Variants in SEMA6D observed in about 807,000 individuals in gnomAD.
SEMA6D encodes semaphorin 6D.
A neutral mutation model predicts 106.6 loss-of-function variants in SEMA6D; 35 were observed. That is an observed-to-expected ratio of 0.33 (90% CI 0.25 to 0.44). The LOEUF (loss-of-function observed/expected upper bound fraction) is 0.44, where lower values mean the gene tolerates loss of function less well. Among genes scored for constraint, SEMA6D ranks in the 20% least tolerant of loss-of-function variants. SEMA6D has a pLI of 1.00. For missense variants in SEMA6D, 1,185 were observed against 1,345.9 expected, an observed-to-expected ratio of 0.88 and a Z score of 1.87; for synonymous variants, 499 against 487.7, an observed-to-expected ratio of 1.02 and a Z score of -0.31.
At chr15:47,185,433 T>A (rs1893498808) in intron 1 of SEMA6D, among the ~76,000 whole-genome samples, 1 of 152,182 alleles carries the variant, frequency 6.6e-6, no homozygotes, top group African/African-American at 2.4e-5. Flanking sequence ...TATTGACAGC[T>A]GGCCGCTTTC....
At chr15:47,472,268 AAAAGTT>A (rs1027146480) in intron 3 of SEMA6D, among the ~76,000 whole-genome samples, 13 of 152,294 alleles carry the variant, frequency 8.5e-5, no homozygotes, top group African/African-American at 2.9e-4. Context: ...AGAAATAAGA[AAAAGTT>A]AAAGATGGAT....
intron 3 of SEMA6D, among the ~76,000 whole-genome samples, chr15:47,518,664 C>T (rs1321423406): frequency 1.3e-5 from 2 of 152,034 alleles, no homozygotes; most frequent in African/African-American, 4.8e-5. Context: ...AATGATATAC[C>T]TATATAGGAC....
At chr15:47,414,488 T>C (rs975919836) in intron 2 of SEMA6D, among the ~76,000 whole-genome samples, 3 of 152,320 alleles carry the variant, frequency 2.0e-5, no homozygotes, top group Admixed American at 1.3e-4. Flanking sequence ...TGATTGGCCT[T>C]AATGAAATTA....
intron 3 of SEMA6D, among the ~76,000 whole-genome samples, chr15:47,501,064 A>G (rs1397404012): frequency 1.3e-5 from 2 of 152,180 alleles, no homozygotes; most frequent in African/African-American, 4.8e-5. Context: ...GGCAACAGAA[A>G]GAAGTGAAGG....
intron 1 of SEMA6D, among the ~76,000 whole-genome samples, chr15:47,227,906 ATC>A (rs1175310595): frequency 7.1e-6 from 1 of 141,136 alleles, no homozygotes; most frequent in Admixed American, 7.3e-5. Context: ...ATATATAAGA[ATC>A]TTATATATAT....
intron 1 of SEMA6D, chr15:47,272,742 A>C (rs2034613484): frequency 6.6e-6 from 1 of 152,378 alleles, no homozygotes; most frequent in Non-Finnish European, 1.5e-5. Context: ...TGGGTGGAGG[A>C]GGACGAACAT....
chr15:47,578,160 G>A (rs1413309988), intron 3 of SEMA6D, among the ~76,000 whole-genome samples: 1 of 152,136 alleles, frequency 6.6e-6, no homozygotes, highest in African/African-American at 2.4e-5. Context: ...AGTGGAACAG[G>A]GATTCTCTGA....
At chr15:47,619,785 A>G (rs1457034825) in intron 4 of SEMA6D, among the ~76,000 whole-genome samples, 1 of 152,200 alleles carries the variant, frequency 6.6e-6, no homozygotes, top group African/African-American at 2.4e-5. Context: ...AAATGAAATG[A>G]TGATGAAAAT....
chr15:47,330,101 A>G (rs76578429), intron 1 of SEMA6D, among the ~76,000 whole-genome samples: 17 of 152,342 alleles, frequency 1.1e-4, no homozygotes, highest in Non-Finnish European at 2.1e-4. Context: ...CATCTCTCAC[A>G]TAAAACATGC....
At chr15:47,255,421 C>A (rs985198608) in intron 1 of SEMA6D, among the ~76,000 whole-genome samples, 1 of 150,916 alleles carries the variant, frequency 6.6e-6, no homozygotes, top group Non-Finnish European at 1.5e-5. Flanking sequence ...TTTTTTTAAT[C>A]TCTATTTTGT....
chr15:47,398,960 A>G (rs1355193517), intron 1 of SEMA6D, among the ~76,000 whole-genome samples: 1 of 152,186 alleles, frequency 6.6e-6, no homozygotes, highest in Non-Finnish European at 1.5e-5. Context: ...TGTCCCTTAA[A>G]AAAGGCCGTC....
intron 3 of SEMA6D, among the ~76,000 whole-genome samples, chr15:47,542,401 A>C (rs1456238765): frequency 6.6e-6 from 1 of 152,206 alleles, no homozygotes; most frequent in Non-Finnish European, 1.5e-5. Flanking sequence ...TCCTTTGAGC[A>C]GACCATAGAA....
At chr15:47,550,003 T>C (rs1294050175) in intron 3 of SEMA6D, among the ~76,000 whole-genome samples, 1 of 152,176 alleles carries the variant, frequency 6.6e-6, no homozygotes, top group African/African-American at 2.4e-5. Flanking sequence ...AGATCTAAAT[T>C]CTCATTAAAG....
At chr15:47,760,638 CA>C (rs1363388124) in intron 3 of SEMA6D, among the ~76,000 whole-genome samples, 1 of 150,580 alleles carries the variant, frequency 6.6e-6, no homozygotes, top group African/African-American at 2.5e-5. Context: ...AATCATACAC[CA>C]TTCTTTTTTC....
chr15:47,188,492 A>C (rs1893724567), intron 1 of SEMA6D, among the ~76,000 whole-genome samples: 1 of 152,078 alleles, frequency 6.6e-6, no homozygotes, highest in East Asian at 1.9e-4. Flanking sequence ...TTTTTTTCTG[A>C]TAAATTAGTA....
chr15:47,277,158 ATT>A (rs2034855899), intron 1 of SEMA6D, among the ~76,000 whole-genome samples: 1 of 152,126 alleles, frequency 6.6e-6, no homozygotes, highest in Admixed American at 6.6e-5. Context: ...AAAGAAAGTG[ATT>A]TCTTGAGATG....
At chr15:47,262,365 G>A (rs11858334) in intron 1 of SEMA6D, among the ~76,000 whole-genome samples, 46,146 of 152,000 alleles carry the variant, frequency 0.3, 7,252 homozygotes, top group Middle Eastern at 0.45. Flanking sequence ...ATAAAGAAAA[G>A]AGGTTTAATT....
At chr15:47,711,187 G>A (rs980401053) in intron 4 of SEMA6D, among the ~76,000 whole-genome samples, 2 of 150,512 alleles carry the variant, frequency 1.3e-5, no homozygotes, top group African/African-American at 4.9e-5. Flanking sequence ...GCGGGCGCCT[G>A]TAGTCCCAGC....
At chr15:47,534,193 CT>C (rs1218478004) in intron 3 of SEMA6D, among the ~76,000 whole-genome samples, 11 of 149,366 alleles carry the variant, frequency 7.4e-5, no homozygotes, top group Non-Finnish European at 7.5e-5. Flanking sequence ...AAAATGCCTT[CT>C]TTTTTTTTTA....
Sources: allele counts gnomAD v4.1 joint callset (sites outside exome capture counted in the v4.1 genomes callset), GRCh38; gene constraint gnomAD v4.1.1; transcripts MANE v1.5; gene names NCBI Gene and HGNC (gene_info 2026-07-23, HGNC 2026-07-21).